The following TECRL variants were observed in gnomAD, a reference collection of about 807,000 sequenced individuals.
The protein encoded by TECRL is trans-2,3-enoyl-CoA reductase-like.
TECRL carries 63 observed loss-of-function variants against 52.8 expected under a neutral mutation model. That is an observed-to-expected ratio of 1.19 (90% CI 0.97 to 1.47). The LOEUF is 1.47. TECRL is among the 40% of genes most tolerant of loss of function. TECRL has a pLI of 0.00. For missense variants in TECRL, 482 were observed against 429.6 expected (o/e 1.12, Z -1.08); for synonymous variants, 164 against 141.9 (o/e 1.16, Z -1.10).
At position 64,278,122 on chromosome 4, in the gene TECRL, A is replaced by T. The variant is rs1722640357; in HGVS notation, c.*1950T>A. On this transcript the variant is annotated 3_prime_UTR_variant, in exon 12 of 12. Coordinates refer to ENST00000381210, the MANE Select transcript of TECRL (RefSeq NM_001010874.5). ...CATATTTTGAAATATATTTCAGAAGATGTATAAATATAATTTACATACAAA... is the reference window on the plus strand; with the variant it reads ...CATATTTTGAAATATATTTCAGAAGTTGTATAAATATAATTTACATACAAA... The T allele has an allele frequency of 6.8e-6, 1 of 147,134 alleles. No individual in the cohort carries two copies. Among genetic ancestry groups the T allele is most frequent in the Non-Finnish European group, 1.5e-5 (1 of 65,742 alleles). The allele number at this position is 147,134 out of a possible 1,614,324, so 9.1% of individuals were successfully genotyped here. A position where few individuals can be genotyped will look rare whatever the true frequency, so the allele number is the denominator to read the frequency against.
intron 6 of TECRL, among the ~76,000 whole-genome samples, chr4:64,306,805 T>G (rs1724367212): frequency 1.3e-5 from 2 of 152,330 alleles, no homozygotes; most frequent in Admixed American, 6.5e-5. Flanking sequence ...GTGCACTATG[T>G]GAGAAATCAA....
chr4:64,368,454 C>CAT lies in TECRL; in HGVS notation c.286+6717_286+6718insAT, dbSNP rs60099021. Among the ~76,000 whole-genome samples, 41 of 86,624 alleles carry CAT rather than the reference C, an allele frequency of 4.7e-4. 1 individual carries two copies. Among genetic ancestry groups the CAT allele is most frequent in the African/African-American group, 1.4e-3 (41 of 29,706 alleles). 56.8% of individuals were successfully genotyped at this position (86,624 alleles called of 152,430 possible). A position where few individuals can be genotyped will look rare whatever the true frequency, so the allele number is the denominator to read the frequency against. On this transcript the variant is annotated intron_variant, in intron 2 of 11. Coordinates refer to ENST00000381210, the MANE Select transcript of TECRL (RefSeq NM_001010874.5). ...GGGATTACAGGCGCACGCCACCACA[C>CAT]CCAGCTAATTTTTGTATTTTTAGTA...
In TECRL at chr4:64,279,675, T is replaced by A; in HGVS notation, c.*397A>T. 1.8e-6 allele frequency: 1 copy of A among 565,896 alleles called. No individual in the cohort carries two copies. Among genetic ancestry groups the A allele is most frequent in the Non-Finnish European group, 2.2e-6 (1 of 446,882 alleles). 35.1% of individuals were successfully genotyped at this position (565,896 alleles called of 1,614,324 possible). On this transcript the variant is annotated 3_prime_UTR_variant, in exon 12 of 12. Transcript: ENST00000381210. ...TATGAATAGTTAATGTTGAGCATTTTAAAAATATACTTATTGACCATGTAT... is the reference window on the plus strand; with the variant it reads ...TATGAATAGTTAATGTTGAGCATTTAAAAAATATACTTATTGACCATGTAT...
intron 1 of TECRL, among the ~76,000 whole-genome samples, chr4:64,378,257 T>A (rs1722535255): frequency 6.6e-6 from 1 of 151,872 alleles, no homozygotes; most frequent in African/African-American, 2.4e-5. Context: ...AAAAAATAGG[T>A]CTGAGAATTT....
At chr4:64,352,238 G>A (rs947111936) in intron 2 of TECRL, among the ~76,000 whole-genome samples, 3 of 152,112 alleles carry the variant, frequency 2.0e-5, no homozygotes, top group African/African-American at 7.2e-5. Context: ...TTAGTGCATT[G>A]ATGAATAGGC....
chr4:64,394,714 G>A (rs998574995), intron 1 of TECRL, among the ~76,000 whole-genome samples: 11 of 152,042 alleles, frequency 7.2e-5, no homozygotes, highest in South Asian at 6.2e-4. Context: ...GAGTAAAATG[G>A]AAATAGGAAG....
intron 7 of TECRL, among the ~76,000 whole-genome samples, chr4:64,304,502 C>T (rs776717034): frequency 6.6e-6 from 1 of 151,798 alleles, no homozygotes; most frequent in African/African-American, 2.4e-5. Flanking sequence ...CAGAAATAGC[C>T]CACAAAAATA....
intron 2 of TECRL, among the ~76,000 whole-genome samples, chr4:64,374,231 G>C (rs1021151): frequency 0.97 from 145,453 of 150,568 alleles, 70,421 homozygotes; most frequent in East Asian, 1. Flanking sequence ...TCAAGCAATT[G>C]TATTCCTTCC....
chr4:64,311,791 A>G (rs1444918728), intron 5 of TECRL, among the ~76,000 whole-genome samples: 1 of 152,160 alleles, frequency 6.6e-6, no homozygotes, highest in East Asian at 1.9e-4. Flanking sequence ...GTGGATTGCT[A>G]AATTAACTGT....
chr4:64,292,147 C>T (rs1351317948), intron 8 of TECRL, among the ~76,000 whole-genome samples: 1 of 151,958 alleles, frequency 6.6e-6, no homozygotes, highest in African/African-American at 2.4e-5. Flanking sequence ...AAACTCAATG[C>T]ATTGTTCTAT....
At chr4:64,360,024 T>C (rs549566503) in intron 2 of TECRL, among the ~76,000 whole-genome samples, 2 of 152,062 alleles carry the variant, frequency 1.3e-5, no homozygotes, top group Non-Finnish European at 2.9e-5. Flanking sequence ...GACAAGAAAA[T>C]TGTATTCTTC....
chr4:64,345,728 C>T (rs12511284), intron 2 of TECRL, among the ~76,000 whole-genome samples: 1 of 151,372 alleles, frequency 6.6e-6, no homozygotes, highest in Non-Finnish European at 1.5e-5. Flanking sequence ...TAAAGGTTTT[C>T]TAAGTCACAA....
chr4:64,391,997 C>T (rs905838964), intron 1 of TECRL, among the ~76,000 whole-genome samples: 2 of 151,800 alleles, frequency 1.3e-5, no homozygotes, highest in Non-Finnish European at 2.9e-5. Flanking sequence ...TGTTGCAAAA[C>T]CCAGTGGTTT....
intron 1 of TECRL, among the ~76,000 whole-genome samples, chr4:64,399,400 T>G (rs1724186773): frequency 6.7e-6 from 1 of 149,438 alleles, no homozygotes; most frequent in Non-Finnish European, 1.5e-5. Context: ...AAAAAAAGAG[T>G]TTTTTGAGAA....
At chr4:64,350,321 T>A (rs2109569527) in intron 2 of TECRL, among the ~76,000 whole-genome samples, 1 of 152,340 alleles carries the variant, frequency 6.6e-6, no homozygotes, top group Non-Finnish European at 1.5e-5. Context: ...AAAAATGTCC[T>A]GTGGATCTCA....
chr4:64,348,750 T>TA (rs1275737947), intron 2 of TECRL, among the ~76,000 whole-genome samples: 1 of 152,186 alleles, frequency 6.6e-6, no homozygotes, highest in Non-Finnish European at 1.5e-5. Context: ...TTGGGGTTTT[T>TA]AAAAAATTGT....
At chr4:64,356,276 TC>T (rs970436943) in intron 2 of TECRL, among the ~76,000 whole-genome samples, 2 of 151,946 alleles carry the variant, frequency 1.3e-5, no homozygotes, top group Non-Finnish European at 2.9e-5. Context: ...GACCTGACCG[TC>T]CCCCAGCCCA....
At chr4:64,395,285 C>G (rs868339958) in intron 1 of TECRL, among the ~76,000 whole-genome samples, 109 of 152,170 alleles carry the variant, frequency 7.2e-4, no homozygotes, top group African/African-American at 2.3e-3. Flanking sequence ...AATACTTAAT[C>G]AATTGCATAC....
At chr4:64,322,665 A>G in intron 4 of TECRL, 24 bp downstream of exon 4, 3 of 1,469,078 alleles carry the variant, frequency 2.0e-6, no homozygotes, top group Non-Finnish European at 2.8e-6. Flanking sequence ...AGAAATGTAT[A>G]TTACATTTCA....
Sources: allele counts gnomAD v4.1 joint callset (sites outside exome capture counted in the v4.1 genomes callset), GRCh38; gene constraint gnomAD v4.1.1; transcripts MANE v1.5; gene names NCBI Gene and HGNC (gene_info 2026-07-23, HGNC 2026-07-21).